Variants in BTBD1 observed in about 807,000 individuals in gnomAD.
The protein encoded by BTBD1 is BTB/POZ domain-containing protein 1.
A neutral mutation model predicts 48.0 loss-of-function variants in BTBD1; 34 were observed. The observed-to-expected ratio is 0.71, with a 90% CI of 0.54 to 0.94. The LOEUF (loss-of-function observed/expected upper bound fraction) is 0.94. BTBD1 is among the 40% of genes least tolerant of loss of function. The probability of loss-of-function intolerance (pLI) is 0.00; values close to 1 mark genes in which losing one functional copy is unlikely to be tolerated. For missense variants in BTBD1, 543 were observed against 625.6 expected (o/e 0.87, Z 1.41); for synonymous variants, 261 against 242.1 (o/e 1.08, Z -0.72).
chr15:83,045,984 T>C (rs2032870149), intron 3 of BTBD1, among the ~76,000 whole-genome samples: 1 of 152,226 alleles, frequency 6.6e-6, no homozygotes, highest in Admixed American at 6.5e-5. Flanking sequence ...ACAGTATCTC[T>C]TCCTCCAGAA....
intron 5 of BTBD1, among the ~76,000 whole-genome samples, chr15:83,029,294 C>T (rs1253534130): frequency 1.3e-5 from 2 of 152,186 alleles, no homozygotes; most frequent in East Asian, 1.9e-4. Flanking sequence ...TTGTGAAAAC[C>T]GGCACTGATT....
chr15:83,064,426 A>T (rs1026786332), intron 1 of BTBD1, among the ~76,000 whole-genome samples: 1 of 152,196 alleles, frequency 6.6e-6, no homozygotes, highest in African/African-American at 2.4e-5. Context: ...TGAAAAAAAA[A>T]ATTGCACTGT....
At chr15:83,048,313 GT>G (rs1426967601) in intron 3 of BTBD1, among the ~76,000 whole-genome samples, 1 of 152,148 alleles carries the variant, frequency 6.6e-6, no homozygotes, top group African/African-American at 2.4e-5. Context: ...TCCTTTAGCT[GT>G]TCTGTTTCAA....
At chr15:83,051,334 C>T (rs1048464602) in intron 2 of BTBD1, among the ~76,000 whole-genome samples, 1 of 151,986 alleles carries the variant, frequency 6.6e-6, no homozygotes, top group Non-Finnish European at 1.5e-5. Context: ...AAGTAAAATT[C>T]ATTTTAAAGT....
intron 2 of BTBD1, 87 bp downstream of exon 2, chr15:83,056,302 G>T: frequency 1.3e-6 from 1 of 794,138 alleles, no homozygotes. Context: ...TTATAATCTA[G>T]AATTCTCCAG....
At chr15:83,025,573 T>C (rs1201871475) in intron 5 of BTBD1, among the ~76,000 whole-genome samples, 1 of 152,066 alleles carries the variant, frequency 6.6e-6, no homozygotes, top group Non-Finnish European at 1.5e-5. Context: ...CTTAATATTA[T>C]GTTACTGTTA....
At chr15:83,041,644 GATTA>G in intron 4 of BTBD1, 80 bp downstream of exon 4, 1 of 1,294,700 alleles carries the variant, frequency 7.7e-7, no homozygotes, top group African/African-American at 1.5e-5. Context: ...AAAGTGCTGG[GATTA>G]TAGGTGTGAG....
At chr15:83,023,255 G>A (rs2061514594) in intron 5 of BTBD1, among the ~76,000 whole-genome samples, 2 of 151,918 alleles carry the variant, frequency 1.3e-5, no homozygotes, top group Non-Finnish European at 2.9e-5. Flanking sequence ...TGCAGTTTTT[G>A]TTATTATATA....
Position 83,064,857 on chromosome 15 carries a change from G to A in BTBD1, c.401+1894C>T, listed in dbSNP as rs975290283. 2.0e-5 allele frequency among the ~76,000 whole-genome samples: 3 copies of A among 152,032 alleles called. No homozygotes were observed. The South Asian group carries it at 6.2e-4, about 31-fold the overall frequency. The stretch of plus-strand genomic sequence containing the variant: ...AAATGACCTGGATTTTAGCTTTTGA[G>A]GTCCCCCCCCTTTATAAATGTAACT... On this transcript the variant is annotated intron_variant, in intron 1 of 7. Coordinates refer to ENST00000261721, the MANE Select transcript of BTBD1 (RefSeq NM_025238.4).
chr15:83,043,101 G>C (rs918242156), intron 3 of BTBD1, among the ~76,000 whole-genome samples: 1 of 152,192 alleles, frequency 6.6e-6, no homozygotes, highest in Non-Finnish European at 1.5e-5. Flanking sequence ...CCATGATCAT[G>C]CCATTGTACT....
Position 83,037,474 on chromosome 15 carries a change from C to T in BTBD1, c.862+4254G>A, listed in dbSNP as rs192791360. ...GTCTCAATAGACATGAAAAAGCATT[C>T]AATAAAATCCAGCATCTCTTCATGA... On this transcript the variant is annotated intron_variant, in intron 4 of 7. Coordinates refer to ENST00000261721, the MANE Select transcript of BTBD1 (RefSeq NM_025238.4). Among the ~76,000 whole-genome samples, 215 of 152,222 alleles carry T rather than the reference C, an allele frequency of 1.4e-3. 3 individuals carry two copies. In the South Asian group the frequency reaches 0.017, roughly 12 times the overall value.
At position 83,026,002 on chromosome 15, in the gene BTBD1, C is replaced by T. The variant is rs1413432084; in HGVS notation, c.1055+4134G>A. On this transcript the variant is annotated intron_variant, in intron 5 of 7. Coordinates refer to ENST00000261721, the MANE Select transcript of BTBD1 (RefSeq NM_025238.4). ...GCCAGGATGGTCTCGATCTCTTGAC[C>T]TTGTGATCCGCCCGCCTCAGCCTCC... Among the ~76,000 whole-genome samples, 3 of 152,132 alleles carry T rather than the reference C, an allele frequency of 2.0e-5. No homozygotes were observed. The East Asian group carries it at 5.8e-4, about 29-fold the overall frequency.
rs897119576 is a variant in BTBD1 at position 83,041,077 on chromosome 15, G to C, written c.862+651C>G. Among the ~76,000 whole-genome samples, 4 of 151,082 alleles carry C rather than the reference G, an allele frequency of 2.6e-5. No individual in the cohort carries two copies. In the East Asian group the frequency reaches 5.9e-4, roughly 22 times the overall value. ...TGAGGTGGGAGGATTGATTGAGCCTGGGAGGTGGAGGCTTCAGTGAAATGC... is the reference window on the plus strand; with the variant it reads ...TGAGGTGGGAGGATTGATTGAGCCTCGGAGGTGGAGGCTTCAGTGAAATGC... On this transcript the variant is annotated intron_variant, in intron 4 of 7. Coordinates refer to ENST00000261721, the MANE Select transcript of BTBD1 (RefSeq NM_025238.4).
chr15:83,052,765 G>A (rs1176570081), intron 2 of BTBD1, among the ~76,000 whole-genome samples: 2 of 147,778 alleles, frequency 1.4e-5, no homozygotes, highest in African/African-American at 5.0e-5. Context: ...CGAGTAGCTG[G>A]GACTACAGGC....
intron 5 of BTBD1, chr15:83,029,552 C>G (rs2032476333): frequency 6.6e-6 from 1 of 152,422 alleles, no homozygotes; most frequent in Admixed American, 6.5e-5. Flanking sequence ...TAGAACTCAG[C>G]CCACTGGCAG....
In BTBD1 at chr15:83,066,919, C is replaced by T. The variant is rs763835166; in HGVS notation, c.233G>A (p.Gly78Asp). The change falls in exon 1 of 8, where the codon GGT becomes GAT. Residue 78 changes from glycine (G) to aspartate (D), a missense_variant. Gly to Asp is a moderately conservative substitution (Grantham distance 94). Transcript: ENST00000261721. ...GCCCCCAGCGGCGGCGGCGCCGCGA[C>T]CCTTGCCCAGTACGAAGCGCACATC... ...LSDVRFVLGKGRGAAAAGGPQ... is the reference protein window; with the variant it reads ...LSDVRFVLGKDRGAAAAGGPQ... 6.4e-7 allele frequency: 1 copy of T among 1,555,782 alleles called. No homozygotes were observed. Among genetic ancestry groups the T allele is most frequent in the Non-Finnish European group, 8.7e-7 (1 of 1,155,630 alleles).
chr15:83,021,277 T>C (rs2032288756), intron 5 of BTBD1, among the ~76,000 whole-genome samples: 1 of 152,142 alleles, frequency 6.6e-6, no homozygotes, highest in Non-Finnish European at 1.5e-5. Context: ...AATTACAAAT[T>C]GTAACAAGAG....
At chr15:83,044,739 G>T in intron 3 of BTBD1, 1 of 1,460,212 alleles carries the variant, frequency 6.8e-7, no homozygotes, top group Non-Finnish European at 9.5e-7. Context: ...GAACAATGTC[G>T]CCTGTACTCG....
intron 6 of BTBD1, among the ~76,000 whole-genome samples, chr15:83,019,750 A>G (rs2151298582): frequency 6.6e-6 from 1 of 151,116 alleles, no homozygotes; most frequent in South Asian, 2.1e-4. Flanking sequence ...ATGCACCACC[A>G]TGCCCAGCTA....
Sources: allele counts gnomAD v4.1 joint callset (sites outside exome capture counted in the v4.1 genomes callset), GRCh38; gene constraint gnomAD v4.1.1; transcripts MANE v1.5; gene names NCBI Gene and HGNC (gene_info 2026-07-23, HGNC 2026-07-21).